Variants in DNAH10 observed in about 807,000 individuals in gnomAD.
DNAH10 encodes the protein axonemal beta dynein heavy chain 10.
A neutral mutation model predicts 506.6 loss-of-function variants in DNAH10; 348 were observed. The observed-to-expected ratio is 0.69, with a 90% CI of 0.63 to 0.75. The LOEUF is 0.75. Among genes scored for constraint, DNAH10 ranks in the 30% least tolerant of loss-of-function variants. The probability of loss-of-function intolerance (pLI) is 0.00; values close to 1 mark genes in which losing one functional copy is unlikely to be tolerated. For missense variants in DNAH10, 5,179 were observed against 5,787.1 expected (o/e 0.89, Z 3.41); for synonymous variants, 2,059 against 2,198.6 (o/e 0.94, Z 1.78).
rs1044626741 is a variant in DNAH10 at position 123,785,123 on chromosome 12, A to T, written c.1231-623A>T. Among the ~76,000 whole-genome samples the T allele has an allele frequency of 2.6e-5, 4 of 152,230 alleles. No individual in the cohort carries two copies. Among genetic ancestry groups the T allele is most frequent in the Admixed American group, 2.6e-4 (4 of 15,278 alleles). ...TGCATAGGAGTGGAATAGCTGGGTC[A>T]TATATGGTAACTGTTTAACCTCTTG... On this transcript the variant is annotated intron_variant, in intron 8 of 78. Coordinates refer to ENST00000673944, the MANE Select transcript of DNAH10 (RefSeq NM_001372106.1). The surrounding 1 kb of genome is among the most constrained non-coding windows in gnomAD (Gnocchi z 4.1).
At chr12:123,780,940 C>T (rs1416981105) in intron 5 of DNAH10, 140 bp from the exon 6 acceptor site, 2 of 476,628 alleles carry the variant, frequency 4.2e-6, no homozygotes, top group Non-Finnish European at 6.3e-6. Context: ...GAGACTCTGT[C>T]TCAAAAAAAA....
At chr12:123,789,376 T>TTGTGTGTGTGTG (rs368474130) in intron 10 of DNAH10, among the ~76,000 whole-genome samples, 1 of 149,510 alleles carries the variant, frequency 6.7e-6, no homozygotes. Flanking sequence ...TCTCACCTCT[T>TTGTGTGTGTGTG]TGTGTGTGTG....
intron 46 of DNAH10, among the ~76,000 whole-genome samples, chr12:123,874,266 T>TCCAC (rs1952152170): frequency 2.0e-4 from 2 of 10,082 alleles, no homozygotes; most frequent in South Asian, 0.017. Flanking sequence ...AGTCCGTCCG[T>TCCAC]CCATCCATCC....
intron 46 of DNAH10, among the ~76,000 whole-genome samples, chr12:123,874,798 T>C (rs1469238581): frequency 6.6e-6 from 1 of 152,206 alleles, no homozygotes; most frequent in African/African-American, 2.4e-5. Context: ...AGCAGAAGTG[T>C]CGATGTGTGG....
intron 27 of DNAH10, among the ~76,000 whole-genome samples, chr12:123,835,026 G>T (rs1338825322): frequency 6.6e-6 from 1 of 152,060 alleles, no homozygotes; most frequent in African/African-American, 2.4e-5. Context: ...AATTCTTTTG[G>T]GTCAATACCT....
chr12:123,785,909 G>A lies in DNAH10; in HGVS notation c.1394G>A (p.Arg465Gln), dbSNP rs1428894259. 8.7e-6 allele frequency: 14 copies of A among 1,613,362 alleles called. No individual in the cohort carries two copies. Among genetic ancestry groups the A allele is most frequent in the African/African-American group, 2.7e-5 (2 of 74,924 alleles). ...IAWEIAERVC[R>Q]VVNLRTLFKE... ...TGGGAAATCGCTGAGAGAGTCTGCC[G>A]AGTGGTCAACCTGCGGACTTTGTTC... The change falls in exon 9 of 79, where the codon CGA (arginine) becomes CAA (glutamine). Residue 465 changes from arginine to glutamine, a missense_variant. Arg to Gln is a conservative substitution (Grantham distance 43). This residue lies in a region of DNAH10 where 4,844 missense variants were observed against 5,430.5 expected (regional missense o/e 0.89). Coordinates refer to ENST00000673944, the MANE Select transcript of DNAH10 (RefSeq NM_001372106.1). The surrounding 1 kb of genome is among the most constrained non-coding windows in gnomAD (Gnocchi z 4.1).
At chr12:123,880,448 T>A (rs976008485) in intron 50 of DNAH10, among the ~76,000 whole-genome samples, 7 of 152,126 alleles carry the variant, frequency 4.6e-5, no homozygotes, top group Admixed American at 3.9e-4. Flanking sequence ...CAAGTGATCT[T>A]CCTGCCTCAG....
At chr12:123,915,360 A>C in intron 62 of DNAH10, among the ~76,000 whole-genome samples, 1 of 152,154 alleles carries the variant, frequency 6.6e-6, no homozygotes, top group Non-Finnish European at 1.5e-5. Flanking sequence ...GGCTTGATTG[A>C]GATGTAATTC....
At chr12:123,771,403 A>G (rs1282294863) in intron 2 of DNAH10, among the ~76,000 whole-genome samples, 198 bp from the exon 3 acceptor site, 1 of 152,240 alleles carries the variant, frequency 6.6e-6, no homozygotes, top group Non-Finnish European at 1.5e-5. Context: ...CACCCTGTCA[A>G]AAACGAAACA....
intron 1 of DNAH10, 99 bp from the exon 2 acceptor site, chr12:123,767,507 A>C (rs1259983313): frequency 3.5e-5 from 42 of 1,188,740 alleles, no homozygotes; most frequent in Non-Finnish European, 5.0e-5. Flanking sequence ...TGTGGGCCAC[A>C]TACCAACCCC....
chr12:123,859,256 A>G lies in DNAH10; in HGVS notation c.6737A>G (p.Gln2246Arg), dbSNP rs1951522466. Residue 2246 changes from glutamine (Q) to arginine (R), a missense_variant, in exon 38 of 79, where the codon CAG (glutamine) becomes CGG (arginine). Physicochemically the swap from Gln to Arg is conservative, Grantham distance 43. Transcript: ENST00000673944. Reference sequence around the variant, plus strand: ...TCCGTCGTCATTAACACTCTGTGTCAGGCCCAGACCAAGTGAGTATGACCT... The same window carrying G: ...TCCGTCGTCATTAACACTCTGTGTCGGGCCCAGACCAAGTGAGTATGACCT... ...GKSVVINTLCQAQTKLGLTTK... is the reference protein window; with the variant it reads ...GKSVVINTLCRAQTKLGLTTK... 6.2e-7 allele frequency: 1 copy of G among 1,605,654 alleles called. No homozygotes were observed. Among genetic ancestry groups the G allele is most frequent in the Non-Finnish European group, 8.5e-7 (1 of 1,176,988 alleles).
chr12:123,820,738 G>A lies in DNAH10; in HGVS notation c.4159G>A (p.Glu1387Lys), dbSNP rs376563728. ...KEMSGLRMIYELYEGLKVAKE... is the reference protein window; with the variant it reads ...KEMSGLRMIYKLYEGLKVAKE... ...AATGAGTGGGCTGAGGATGATTTAC[G>A]AGCTCTATGAAGGACTAAAGGTGAG... Residue 1387 changes from glutamate to lysine, a missense_variant, in exon 24 of 79, where the codon GAG becomes AAG. Glu to Lys is a moderately conservative substitution (Grantham distance 56). Around this residue, in one of 3 missense-constraint regions of DNAH10, gnomAD observed 4,844 missense variants for 5,430.5 expected, o/e 0.89. Coordinates refer to ENST00000673944, the MANE Select transcript of DNAH10 (RefSeq NM_001372106.1). 52 of 1,613,928 alleles carry A rather than the reference G, an allele frequency of 3.2e-5. No homozygotes were observed. Among genetic ancestry groups the A allele is most frequent in the South Asian group, 2.5e-4 (23 of 91,074 alleles).
chr12:123,834,109 G>A (rs1185065857), intron 27 of DNAH10, among the ~76,000 whole-genome samples: 3 of 152,060 alleles, frequency 2.0e-5, no homozygotes, highest in Admixed American at 6.6e-5. Context: ...ATCATGCCTG[G>A]GCTTCCTTTC....
chr12:123,893,246 G>A lies in DNAH10; in HGVS notation c.9009G>A (p.Ala3003=), dbSNP rs374138803. The A allele has an allele frequency of 1.8e-5, 29 of 1,613,884 alleles. No homozygotes were observed. The highest frequency in any genetic ancestry group is 5.0e-5 in the Admixed American group (3 of 60,002). The part of the protein sequence containing the change: ...NNMLTSGIVP[A]LFSEEEKESI... ...TTCCTTTTCCAGGAATTGTACCTGC[G>A]CTTTTTTCTGAAGAGGAGAAAGAGT... The change falls in exon 53 of 79, where the codon GCG becomes GCA. Residue 3003 remains alanine, a synonymous_variant. Coordinates refer to ENST00000673944, the MANE Select transcript of DNAH10 (RefSeq NM_001372106.1).
intron 8 of DNAH10, 65 bp downstream of exon 8, chr12:123,784,242 C>T (rs1957770280): frequency 4.6e-6 from 7 of 1,524,776 alleles, no homozygotes; most frequent in Non-Finnish European, 6.3e-6. Context: ...ATTTAATTTC[C>T]CTTTTAAAAA....
chr12:123,847,346 A>G (rs1481700377), intron 32 of DNAH10, among the ~76,000 whole-genome samples: 1 of 149,910 alleles, frequency 6.7e-6, no homozygotes, highest in Non-Finnish European at 1.5e-5. Context: ...CTATCTATCT[A>G]TCTATCTGGA....
At chr12:123,769,930 T>G (rs2135968368) in intron 2 of DNAH10, among the ~76,000 whole-genome samples, 1 of 150,946 alleles carries the variant, frequency 6.6e-6, no homozygotes, top group South Asian at 2.1e-4. Flanking sequence ...AGGTTTTTTT[T>G]TTTTTTTTTA....
chr12:123,926,086 G>A lies in DNAH10; in HGVS notation c.11922-551G>A, dbSNP rs77925253. 1 of 151,676 alleles carries A rather than the reference G, an allele frequency of 6.6e-6. No individual in the cohort carries two copies. The highest frequency in any genetic ancestry group is 1.9e-4 in the East Asian group (1 of 5,178). 9.4% of individuals were successfully genotyped at this position (151,676 alleles called of 1,614,324 possible). On this transcript the variant is annotated intron_variant, in intron 68 of 78. Transcript: ENST00000673944. The surrounding 1 kb of genome is among the most constrained non-coding windows in gnomAD (Gnocchi z 4.1). ...AAAAATAAAAAATAAAAAAGAATTA[G>A]CCAGGCGTGGTGGTGCACACCTGTA...
chr12:123,896,148 C>CACACACACAGAGAGAGAG (rs1383690518), intron 54 of DNAH10, among the ~76,000 whole-genome samples: 2 of 95,322 alleles, frequency 2.1e-5, no homozygotes, highest in African/African-American at 5.2e-5. Flanking sequence ...CACACACACA[C>CACACACACAGAGAGAGAG]AGAGAGAGAG....
Sources: gnomAD v4.1 joint callset for allele counts (sites outside exome capture counted in the v4.1 genomes callset) on GRCh38, gnomAD v4.1.1 for gene constraint, gnomAD v4.1.1 regional missense constraint, Gnocchi (gnomAD v3.1) non-coding constraint, MANE v1.5 for transcripts, NCBI Gene and HGNC (gene_info 2026-07-23, HGNC 2026-07-21) for gene names.